EFCAB5: variants seen among roughly 807,000 people sequenced by gnomAD.
EFCAB5 encodes the protein EF-hand calcium-binding domain-containing protein 5.
A neutral mutation model predicts 167.9 loss-of-function variants in EFCAB5; 131 were observed. That is an observed-to-expected ratio of 0.78 (90% CI 0.68 to 0.90). The LOEUF is 0.90. EFCAB5 is among the 40% of genes least tolerant of loss of function. The pLI is 0.00. For synonymous variants in EFCAB5, 574 were observed against 602.8 expected (o/e 0.95, Z 0.70); for missense variants, 1,663 against 1,745.2 (o/e 0.95, Z 0.84).
upstream of EFCAB5, among the ~76,000 whole-genome samples, chr17:29,940,427 C>A (rs1173261322): frequency 5.9e-5 from 9 of 152,218 alleles, no homozygotes; most frequent in East Asian, 1.7e-3. Context: ...TAAGACCTAA[C>A]CTTTGCCTGC....
chr17:30,022,955 A>G (rs947269811), intron 7 of EFCAB5, among the ~76,000 whole-genome samples: 2 of 152,182 alleles, frequency 1.3e-5, no homozygotes, highest in Non-Finnish European at 2.9e-5. Flanking sequence ...AAATGAAGGC[A>G]GAAATAAAGA....
At chr17:29,970,455 T>C (rs2067924351) in intron 4 of EFCAB5, among the ~76,000 whole-genome samples, 1 of 151,960 alleles carries the variant, frequency 6.6e-6, no homozygotes, top group Non-Finnish European at 1.5e-5. Flanking sequence ...GGGAGTAACT[T>C]GTCTACTTGA....
At chr17:29,932,716 A>C (rs564351369) in intron 1 of EFCAB5, among the ~76,000 whole-genome samples, 1 of 152,048 alleles carries the variant, frequency 6.6e-6, no homozygotes, top group African/African-American at 2.4e-5. Context: ...CCTTGGCCTC[A>C]CAAAGTGCTG....
At chr17:29,960,896 A>G (rs1016152437) in intron 3 of EFCAB5, among the ~76,000 whole-genome samples, 5 of 152,112 alleles carry the variant, frequency 3.3e-5, no homozygotes, top group African/African-American at 1.2e-4. Context: ...GGGTCTTGGT[A>G]TGCTACCTAG....
rs1375219424 is a variant in EFCAB5, at chr17:30,062,479, C to G, written c.2737+2778C>G. On this transcript the variant is annotated intron_variant, in intron 14 of 22. Transcript: ENST00000394835. The stretch of plus-strand genomic sequence containing the variant: ...CCTACACAGCTCACTACTGGGGTCC[C>G]CTGCAGTCCTCACAGGCATTAAGCC... Among the ~76,000 whole-genome samples, 7 of 152,298 alleles carry G rather than the reference C, an allele frequency of 4.6e-5. No homozygotes were observed. In the East Asian group the frequency reaches 1.3e-3, roughly 29 times the overall value.
In EFCAB5 at chr17:30,092,109, A is replaced by G; in HGVS notation, c.4176A>G (p.Pro1392=). ...AGGCGGTTATCTTGTTCTTTCATCC[A>G]GAGTTGGAATTTTCAAGTGACTTTG... The part of the protein sequence containing the change: ...ILKAVILFFH[P]ELEFSSDFGS... Residue 1392 remains proline, a synonymous_variant, in exon 21 of 23, where the codon CCA becomes CCG. Transcript: ENST00000394835. 1 of 1,613,944 alleles carries G rather than the reference A, an allele frequency of 6.2e-7. No homozygotes were observed. Among genetic ancestry groups the G allele is most frequent in the Non-Finnish European group, 8.5e-7 (1 of 1,179,834 alleles).
chr17:30,053,454 A>C lies in EFCAB5; in HGVS notation c.1500A>C (p.Thr500=), dbSNP rs1597730348. 1 of 1,613,996 alleles carries C rather than the reference A, an allele frequency of 6.2e-7. No homozygotes were observed. Among genetic ancestry groups the C allele is most frequent in the Non-Finnish European group, 8.5e-7 (1 of 1,179,882 alleles). The change falls in exon 10 of 23, where the codon ACA becomes ACC. Residue 500 remains threonine (T), a synonymous_variant. Transcript: ENST00000394835. The part of the protein sequence containing the change: ...QPKLNEQRTS[T]PSPNPPEQQR... Reference sequence around the variant, plus strand: ...AACTTAACGAACAGAGAACATCAACACCATCACCAAACCCGCCAGAACAGC... The same window carrying C: ...AACTTAACGAACAGAGAACATCAACCCCATCACCAAACCCGCCAGAACAGC...
At chr17:29,980,842 T>A (rs1213787699) in intron 4 of EFCAB5, among the ~76,000 whole-genome samples, 1 of 152,212 alleles carries the variant, frequency 6.6e-6, no homozygotes, top group Non-Finnish European at 1.5e-5. Flanking sequence ...ACTTGTATGT[T>A]TCATAAGCAC....
intron 3 of EFCAB5, among the ~76,000 whole-genome samples, chr17:29,954,107 C>G (rs1335846373): frequency 6.6e-6 from 1 of 152,062 alleles, no homozygotes; most frequent in African/African-American, 2.4e-5. Context: ...AATTTTGCAG[C>G]CTGACTACTA....
In EFCAB5 at chr17:29,944,622, G is replaced by GTT. The variant is rs1442294530; in HGVS notation, c.190+976_190+977dup. Among the ~76,000 whole-genome samples the GTT allele has an allele frequency of 9.9e-4, 133 of 134,136 alleles. 1 individual carries two copies. The highest frequency in any genetic ancestry group is 3.1e-3 in the African/African-American group (116 of 36,918). The allele number at this position is 134,136 out of a possible 152,430, so 88.0% of individuals were successfully genotyped here. ...TTGTTTTTTTGTTGTTTTCTGTTTT[G>GTT]TTTTGTTTTTTTTTTTTTGAGACGA... On this transcript the variant is annotated intron_variant, in intron 3 of 22. Transcript: ENST00000394835.
In EFCAB5 at chr17:30,049,846, C is replaced by A. The variant is rs532721147; in HGVS notation, c.1201-1272C>A. ...GTTGAAATGCATACATTATGCAATC[C>A]AGTAATTCCACTTCTAGTTATTTAT... On this transcript the variant is annotated intron_variant, in intron 8 of 22. Coordinates refer to ENST00000394835, the MANE Select transcript of EFCAB5 (RefSeq NM_198529.4). Among the ~76,000 whole-genome samples the A allele has an allele frequency of 2.6e-5, 4 of 152,200 alleles. No homozygotes were observed. In the East Asian group the frequency reaches 7.7e-4, roughly 29 times the overall value.
intron 7 of EFCAB5, among the ~76,000 whole-genome samples, chr17:30,004,431 G>A (rs140711396): frequency 0.013 from 2,043 of 152,274 alleles, 30 homozygotes; most frequent in Admixed American, 0.024. Context: ...CAGTGGAGGC[G>A]AAATTTTCTG....
rs1567743209 is a variant in EFCAB5 at position 30,053,455 on chromosome 17, C to T, written c.1501C>T (p.Pro501Ser). Residue 501 changes from proline (P) to serine (S), a missense_variant, in exon 10 of 23, where the codon CCA becomes TCA. Physicochemically the swap from Pro to Ser is moderately conservative, Grantham distance 74. Transcript: ENST00000394835. ...ACTTAACGAACAGAGAACATCAACA[C>T]CATCACCAAACCCGCCAGAACAGCA... ...PKLNEQRTST[P>S]SPNPPEQQRG... The T allele has an allele frequency of 1.9e-6, 3 of 1,613,954 alleles. No individual in the cohort carries two copies. The highest frequency in any genetic ancestry group is 2.5e-6 in the Non-Finnish European group (3 of 1,179,896).
At chr17:30,009,289 G>C (rs1022550008) in intron 7 of EFCAB5, among the ~76,000 whole-genome samples, 13 of 152,094 alleles carry the variant, frequency 8.5e-5, no homozygotes, top group African/African-American at 3.1e-4. Flanking sequence ...AATTGAATGG[G>C]CTTTAGTATA....
intron 4 of EFCAB5, among the ~76,000 whole-genome samples, chr17:29,980,324 T>A (rs1466072068): frequency 6.6e-6 from 1 of 152,248 alleles, no homozygotes; most frequent in Non-Finnish European, 1.5e-5. Flanking sequence ...TACAGTCTAT[T>A]TGAGGAAATA....
intron 7 of EFCAB5, 66 bp downstream of exon 7, chr17:30,000,042 C>A: frequency 3.5e-6 from 4 of 1,159,072 alleles, no homozygotes; most frequent in South Asian, 1.5e-5. Flanking sequence ...CTGTTGGTGG[C>A]TGTCACACAT....
At chr17:29,968,141 G>T (rs551822454) in intron 3 of EFCAB5, among the ~76,000 whole-genome samples, 1 of 152,198 alleles carries the variant, frequency 6.6e-6, no homozygotes, top group South Asian at 2.1e-4. Flanking sequence ...CTCCCAAAAT[G>T]TTGGGATTAC....
Position 29,985,658 on chromosome 17 carries a change from A to G in EFCAB5, c.768-7507A>G, listed in dbSNP as rs921048356. 1.5e-4 allele frequency among the ~76,000 whole-genome samples: 23 copies of G among 152,240 alleles called. 1 individual carries two copies. Among genetic ancestry groups the G allele is most frequent in the Admixed American group, 8.5e-4 (13 of 15,286 alleles). ...TGGACTCTGGCTAGTTATCTGCAGCAGGAACATGTCCTTAAGGCACAGATC... is the reference window on the plus strand; with the variant it reads ...TGGACTCTGGCTAGTTATCTGCAGCGGGAACATGTCCTTAAGGCACAGATC... On this transcript the variant is annotated intron_variant, in intron 4 of 22. Coordinates refer to ENST00000394835, the MANE Select transcript of EFCAB5 (RefSeq NM_198529.4).
intron 14 of EFCAB5, chr17:30,069,542 A>T: frequency 6.2e-7 from 1 of 1,613,032 alleles, no homozygotes; most frequent in Non-Finnish European, 8.5e-7. Context: ...AAGAGAGGCC[A>T]TTAAAAACAA....
Sources: allele counts gnomAD v4.1 joint callset (sites outside exome capture counted in the v4.1 genomes callset), GRCh38; gene constraint gnomAD v4.1.1; transcripts MANE v1.5; gene names NCBI Gene and HGNC (gene_info 2026-07-23, HGNC 2026-07-21).